The following NBEAL1 variants were observed in gnomAD, a reference collection of about 807,000 sequenced individuals.
NBEAL1 encodes the protein neurobeachin like 1, also known as neurobeachin-like protein 1.
A neutral mutation model predicts 351.3 loss-of-function variants in NBEAL1; 273 were observed. The ratio of observed to expected loss-of-function variants is 0.78; its 90% CI spans 0.70 to 0.86. The LOEUF is 0.86. Among genes scored for constraint, NBEAL1 ranks in the 40% least tolerant of loss-of-function variants. The probability of loss-of-function intolerance (pLI) is 0.00; values close to 1 mark genes in which losing one functional copy is unlikely to be tolerated. For synonymous variants in NBEAL1, 1,050 were observed against 1,086.4 expected (o/e 0.97, Z 0.66); for missense variants, 2,961 against 3,201.3 (o/e 0.92, Z 1.81).
chr2:203,180,152 A>T (rs113927356), intron 42 of NBEAL1, among the ~76,000 whole-genome samples: 135 of 152,328 alleles, frequency 8.9e-4, no homozygotes, highest in African/African-American at 3.1e-3. Context: ...TAATTCAACT[A>T]AGGTGCTACT....
At chr2:203,127,752 C>G (rs773268803) in intron 23 of NBEAL1, 29 bp from the exon 24 acceptor site, 4 of 1,415,114 alleles carry the variant, frequency 2.8e-6, no homozygotes, top group Non-Finnish European at 3.9e-6. Flanking sequence ...ATTAAAATTT[C>G]AATTCTTATA....
rs982459614 is a variant in NBEAL1, at chr2:203,218,698, G to A, written c.*1344G>A. On this transcript the variant is annotated 3_prime_UTR_variant, in exon 56 of 56. Coordinates refer to ENST00000683969, the MANE Select transcript of NBEAL1 (RefSeq NM_001378026.1). ...AGAGAAATTTTTCTTTTGCAATTTC[G>A]CTTTCCTGTTGACCACAGTATCCAG... 4.0e-5 allele frequency: 6 copies of A among 151,882 alleles called. No homozygotes were observed. Among genetic ancestry groups the A allele is most frequent in the African/African-American group, 9.7e-5 (4 of 41,342 alleles). 9.4% of individuals were successfully genotyped at this position (151,882 alleles called of 1,614,324 possible). A position where few individuals can be genotyped will look rare whatever the true frequency, so the allele number is the denominator to read the frequency against.
intron 2 of NBEAL1, among the ~76,000 whole-genome samples, chr2:203,020,989 C>G (rs1455281675): frequency 6.6e-6 from 1 of 152,124 alleles, no homozygotes; most frequent in Non-Finnish European, 1.5e-5. Context: ...GGCCCAATCT[C>G]AGCTCACCAC....
chr2:203,089,254 G>A (rs1251647765), intron 10 of NBEAL1, among the ~76,000 whole-genome samples: 1 of 151,814 alleles, frequency 6.6e-6, no homozygotes, highest in Non-Finnish European at 1.5e-5. Flanking sequence ...AGCTATTCGG[G>A]AGGCTGAGGC....
At chr2:203,081,837 T>TA (rs1393021751) in intron 8 of NBEAL1, among the ~76,000 whole-genome samples, 5 of 152,242 alleles carry the variant, frequency 3.3e-5, no homozygotes, top group Non-Finnish European at 5.9e-5. Context: ...CATGGTGGCT[T>TA]ACGCCTATAA....
intron 9 of NBEAL1, among the ~76,000 whole-genome samples, chr2:203,083,978 G>GTGTA (rs1372931857): frequency 3.9e-5 from 2 of 50,652 alleles, no homozygotes; most frequent in Admixed American, 4.2e-4. Context: ...CTCAGAGCCT[G>GTGTA]TGTGTGTGTG....
intron 24 of NBEAL1, among the ~76,000 whole-genome samples, chr2:203,129,272 A>T (rs902822295): frequency 7.2e-5 from 11 of 151,896 alleles, no homozygotes; most frequent in Admixed American, 3.3e-4. Flanking sequence ...CCCAAATGTT[A>T]AAAAAAAGCA....
chr2:203,184,262 C>T (rs2064828489), intron 44 of NBEAL1, among the ~76,000 whole-genome samples: 1 of 151,748 alleles, frequency 6.6e-6, no homozygotes, highest in Admixed American at 6.6e-5. Flanking sequence ...AAAACCCCAT[C>T]TGTACTAAAA....
chr2:203,161,989 G>A (rs1178902012), intron 36 of NBEAL1, among the ~76,000 whole-genome samples: 1 of 149,762 alleles, frequency 6.7e-6, no homozygotes, highest in East Asian at 2.0e-4. Flanking sequence ...TGTGAGTTTT[G>A]GGGGTTTTGT....
chr2:203,187,326 G>T (rs752215290), intron 44 of NBEAL1, among the ~76,000 whole-genome samples: 1 of 151,022 alleles, frequency 6.6e-6, no homozygotes. Context: ...CCAAAGTGCT[G>T]GGGTAACAGA....
intron 19 of NBEAL1, among the ~76,000 whole-genome samples, chr2:203,123,330 C>CT (rs1386762600): frequency 6.7e-6 from 1 of 148,518 alleles, no homozygotes; most frequent in East Asian, 1.9e-4. Context: ...TTTTTCTTTT[C>CT]TTTTCTTTTT....
At chr2:203,099,208 G>T (rs551379019) in intron 11 of NBEAL1, among the ~76,000 whole-genome samples, 1 of 151,508 alleles carries the variant, frequency 6.6e-6, no homozygotes, top group Non-Finnish European at 1.5e-5. Context: ...CCTGGGAGGC[G>T]GAGGTTGCAG....
chr2:203,077,720 T>C (rs2061801879), intron 7 of NBEAL1, 32 bp from the exon 8 acceptor site: 1 of 1,071,618 alleles, frequency 9.3e-7, no homozygotes, highest in African/African-American at 1.7e-5. Flanking sequence ...AGACAAATCT[T>C]ATTTATTTAT....
At chr2:203,172,595 G>T in intron 40 of NBEAL1, 134 bp from the exon 41 acceptor site, 1 of 659,184 alleles carries the variant, frequency 1.5e-6, no homozygotes, top group Admixed American at 2.8e-5. Context: ...AAAGATGAAT[G>T]GATATTTACA....
chr2:203,143,195 T>G (rs1383520095), intron 31 of NBEAL1, among the ~76,000 whole-genome samples: 1 of 152,236 alleles, frequency 6.6e-6, no homozygotes, highest in African/African-American at 2.4e-5. Flanking sequence ...CTTAGATCTT[T>G]CTGTAGCCAA....
chr2:203,194,109 GT>G (rs1327163527), intron 47 of NBEAL1, among the ~76,000 whole-genome samples, 198 bp downstream of exon 47: 1 of 152,114 alleles, frequency 6.6e-6, no homozygotes, highest in African/African-American at 2.4e-5. Flanking sequence ...AGTCTGAACT[GT>G]TTTTCTTGGC....
At chr2:203,103,388 C>A (rs1019871605) in intron 12 of NBEAL1, among the ~76,000 whole-genome samples, 1 of 151,980 alleles carries the variant, frequency 6.6e-6, no homozygotes, top group African/African-American at 2.4e-5. Flanking sequence ...GTTCTCCTGC[C>A]AGCCTCCTGA....
chr2:203,111,854 A>T, intron 15 of NBEAL1, 125 bp from the exon 16 acceptor site: 2 of 1,101,196 alleles, frequency 1.8e-6, no homozygotes, highest in Non-Finnish European at 2.5e-6. Flanking sequence ...ACATCAATTT[A>T]ACATTTACGT....
At chr2:203,102,933 G>T (rs1357159612) in intron 12 of NBEAL1, among the ~76,000 whole-genome samples, 2 of 152,100 alleles carry the variant, frequency 1.3e-5, no homozygotes, top group Admixed American at 6.6e-5. Context: ...CATCTTTCTG[G>T]TCCTGGGCTT....
Sources: allele counts gnomAD v4.1 joint callset (sites outside exome capture counted in the v4.1 genomes callset), GRCh38; gene constraint gnomAD v4.1.1; transcripts MANE v1.5; gene names NCBI Gene and HGNC (gene_info 2026-07-23, HGNC 2026-07-21).